Variants in CNIH3 observed in about 807,000 individuals in gnomAD.
The protein encoded by CNIH3 is cornichon family AMPA receptor auxiliary protein 3, also known as protein cornichon homolog 3.
CNIH3 carries 14 observed loss-of-function variants against 24.1 expected under a neutral mutation model. The observed-to-expected ratio is 0.58, with a 90% CI of 0.38 to 0.91. The LOEUF (loss-of-function observed/expected upper bound fraction) is 0.91, where lower values mean the gene tolerates loss of function less well. Ranked by LOEUF, CNIH3 falls within the 40% of genes least tolerant of loss-of-function variation. The pLI, the probability that CNIH3 is intolerant of heterozygous loss-of-function variation, is 0.00. For missense variants in CNIH3, 178 were observed against 196.8 expected, an observed-to-expected ratio of 0.90 and a Z score of 0.57; for synonymous variants, 68 against 73.8, an observed-to-expected ratio of 0.92 and a Z score of 0.40.
At chr1:224,529,281 G>C (rs1265838470) in intron 2 of CNIH3, 2 of 152,242 alleles carry the variant, frequency 1.3e-5, no homozygotes, top group African/African-American at 4.8e-5. Flanking sequence ...TACAATCTGT[G>C]TCAGCCTGGC....
chr1:224,474,998 T>G (rs1198062412), intron 1 of CNIH3, among the ~76,000 whole-genome samples: 1 of 140,334 alleles, frequency 7.1e-6, no homozygotes, highest in African/African-American at 2.7e-5. Context: ...TGAGTCGAGA[T>G]CGTGCCACTG....
chr1:224,724,165 T>G (rs1486882287), intron 3 of CNIH3, among the ~76,000 whole-genome samples: 5 of 152,360 alleles, frequency 3.3e-5, no homozygotes, highest in African/African-American at 1.2e-4. Context: ...TAATAAACTT[T>G]GATGCAAATT....
rs540705440 is a variant in CNIH3, at chr1:224,480,104, C to T, written n.204-35637C>T. On this transcript the variant is annotated intron_variant and non_coding_transcript_variant, in intron 1 of 5. Transcript: ENST00000471578. ...CTTCTGAAATCTAGGTGGAGGTTCC[C>T]AAATCTCAGTTCTTTGACTTCTGCG... 1.9e-3 allele frequency among the ~76,000 whole-genome samples: 290 copies of T among 152,262 alleles called. 1 individual carries two copies. Among genetic ancestry groups the T allele is most frequent in the South Asian group, 3.7e-3 (18 of 4,820 alleles).
At chr1:224,503,908 G>T (rs1241842014) in intron 1 of CNIH3, among the ~76,000 whole-genome samples, 5 of 152,272 alleles carry the variant, frequency 3.3e-5, no homozygotes, top group African/African-American at 1.2e-4. Context: ...GGAGGGAGGG[G>T]TGCCGGGACA....
chr1:224,599,343 G>T (rs112374391), intron 3 of CNIH3, among the ~76,000 whole-genome samples: 42 of 152,198 alleles, frequency 2.8e-4, no homozygotes, highest in African/African-American at 9.9e-4. Context: ...GAGGCTGGAT[G>T]GGCCTCTTGT....
At chr1:224,532,534 C>T (rs1224550584) in intron 2 of CNIH3, among the ~76,000 whole-genome samples, 1 of 152,082 alleles carries the variant, frequency 6.6e-6, no homozygotes, top group African/African-American at 2.4e-5. Context: ...GGTGGTGGTA[C>T]TGGAAGTGGG....
chr1:224,472,525 G>A (rs1300616579), intron 1 of CNIH3, among the ~76,000 whole-genome samples: 1 of 152,206 alleles, frequency 6.6e-6, no homozygotes, highest in Non-Finnish European at 1.5e-5. Context: ...TCTAAGTGAA[G>A]TAACTCAGGA....
intron 1 of CNIH3, among the ~76,000 whole-genome samples, chr1:224,492,962 A>G (rs767623209): frequency 9.2e-5 from 14 of 152,174 alleles, no homozygotes; most frequent in Non-Finnish European, 2.1e-4. Context: ...TGGCTATTTT[A>G]CTATAATCAC....
At chr1:224,508,850 T>C (rs1678022728) in intron 1 of CNIH3, among the ~76,000 whole-genome samples, 1 of 152,224 alleles carries the variant, frequency 6.6e-6, no homozygotes, top group South Asian at 2.1e-4. Flanking sequence ...GTGATATATG[T>C]GAGGTACAGT....
At chr1:224,564,427 G>A (rs1558164195) in intron 3 of CNIH3, among the ~76,000 whole-genome samples, 1 of 152,214 alleles carries the variant, frequency 6.6e-6, no homozygotes, top group Non-Finnish European at 1.5e-5. Flanking sequence ...AAGAGGCTAA[G>A]GCCATCCCAG....
At chr1:224,541,497 C>T (rs1679511298), downstream of CNIH3, among the ~76,000 whole-genome samples, 1 of 152,090 alleles carries the variant, frequency 6.6e-6, no homozygotes, top group African/African-American at 2.4e-5. Flanking sequence ...GGAGAAAAGG[C>T]CCTTAAAAAG....
intron 3 of CNIH3, among the ~76,000 whole-genome samples, chr1:224,696,772 T>G (rs962259223): frequency 1.3e-5 from 2 of 149,882 alleles, no homozygotes; most frequent in Non-Finnish European, 3.0e-5. Flanking sequence ...GGGGATAAAT[T>G]TGTGTGTGTG....
At chr1:224,736,904 T>G (rs915258319) in intron 5 of CNIH3, among the ~76,000 whole-genome samples, 3 of 152,136 alleles carry the variant, frequency 2.0e-5, no homozygotes, top group African/African-American at 7.2e-5. Context: ...CCTTGGAGGT[T>G]AGGTTTTTTC....
At chr1:224,443,476 G>C (rs1157377327) in intron 1 of CNIH3, among the ~76,000 whole-genome samples, 1 of 152,122 alleles carries the variant, frequency 6.6e-6, no homozygotes, top group Non-Finnish European at 1.5e-5. Flanking sequence ...ATATCTAACT[G>C]AGATGAGGCT....
At chr1:224,462,745 TC>T (rs1183560811) in intron 1 of CNIH3, among the ~76,000 whole-genome samples, 2 of 122,684 alleles carry the variant, frequency 1.6e-5, no homozygotes, top group Non-Finnish European at 3.5e-5. Flanking sequence ...GCTCAGGTGA[TC>T]CTCCCACCTC....
chr1:224,681,133 C>T (rs573006887), intron 2 of CNIH3, 107 bp downstream of exon 2: 34 of 937,006 alleles, frequency 3.6e-5, no homozygotes, highest in African/African-American at 9.7e-5. Context: ...AGAACATGCT[C>T]GCCCTCACTG....
chr1:224,712,483 C>G (rs558796328), intron 3 of CNIH3, among the ~76,000 whole-genome samples: 2 of 152,252 alleles, frequency 1.3e-5, no homozygotes, highest in African/African-American at 4.8e-5. Flanking sequence ...GGCAGGATAT[C>G]TGGCTCTCAG....
rs11801005 is a variant in CNIH3, at chr1:224,609,028, C to T, written n.402+42764C>T. On this transcript the variant is annotated intron_variant and non_coding_transcript_variant, in intron 3 of 7. Transcript: ENST00000478120. ...GTTGGGAGACTGCCTCTCTCTGGCA[C>T]GGGGCCACAACCAATTATTATTTTA... Among the ~76,000 whole-genome samples the T allele has an allele frequency of 2.3e-3, 353 of 152,276 alleles. 2 individuals are homozygous for T. The highest frequency in any genetic ancestry group is 7.7e-3 in the African/African-American group (321 of 41,542).
downstream of CNIH3, among the ~76,000 whole-genome samples, chr1:224,589,489 C>T (rs1374105370): frequency 6.6e-6 from 1 of 152,196 alleles, no homozygotes; most frequent in Non-Finnish European, 1.5e-5. Context: ...CAGCCTGCAG[C>T]CTCTTTTCAA....
Sources: allele counts gnomAD v4.1 joint callset (sites outside exome capture counted in the v4.1 genomes callset), GRCh38; gene constraint gnomAD v4.1.1; transcripts MANE v1.5; gene names NCBI Gene and HGNC (gene_info 2026-07-23, HGNC 2026-07-21).